Variants in ZNF407 observed in about 807,000 individuals in gnomAD.
ZNF407 encodes the protein zinc finger protein 407.
A neutral mutation model predicts 131.2 loss-of-function variants in ZNF407; 17 were observed. That is an observed-to-expected ratio of 0.13 (90% CI 0.09 to 0.19). The LOEUF (loss-of-function observed/expected upper bound fraction) is 0.19. ZNF407 is among the 10% of genes least tolerant of loss of function. The pLI is 1.00. For synonymous variants in ZNF407, 1,156 were observed against 1,062.0 expected, an observed-to-expected ratio of 1.09 and a Z score of -1.72; for missense variants, 2,681 against 2,830.6, an observed-to-expected ratio of 0.95 and a Z score of 1.20.
chr18:74,770,644 G>A (rs1215364974), intron 3 of ZNF407, among the ~76,000 whole-genome samples: 1 of 152,126 alleles, frequency 6.6e-6, no homozygotes, highest in Non-Finnish European at 1.5e-5. Context: ...TCATTAAGTG[G>A]CAATGGAATT....
intron 3 of ZNF407, among the ~76,000 whole-genome samples, chr18:74,644,254 T>C (rs528203622): frequency 6.6e-6 from 1 of 151,192 alleles, no homozygotes; most frequent in African/African-American, 2.4e-5. Context: ...AGAGGAATTT[T>C]ATAGAATATA....
chr18:74,976,331 A>G (rs1207819982), intron 8 of ZNF407, among the ~76,000 whole-genome samples: 1 of 152,174 alleles, frequency 6.6e-6, no homozygotes, highest in Non-Finnish European at 1.5e-5. Flanking sequence ...CCCCTTTTCC[A>G]GTTCATCTTT....
chr18:74,860,337 A>G (rs913111050), intron 4 of ZNF407, among the ~76,000 whole-genome samples: 5 of 152,006 alleles, frequency 3.3e-5, no homozygotes, highest in Admixed American at 1.3e-4. Flanking sequence ...AAGAAAATTC[A>G]TAGGTCTCCA....
chr18:74,990,284 T>TA (rs1266839763), intron 8 of ZNF407, among the ~76,000 whole-genome samples: 1 of 152,210 alleles, frequency 6.6e-6, no homozygotes, highest in African/African-American at 2.4e-5. Flanking sequence ...CTTAGTAACT[T>TA]ACCCTAGCTC....
intron 8 of ZNF407, among the ~76,000 whole-genome samples, chr18:74,956,480 A>C (rs775475196): frequency 6.6e-6 from 1 of 152,202 alleles, no homozygotes; most frequent in Admixed American, 6.5e-5. Flanking sequence ...CCAAAATATA[A>C]GACTACAGTT....
chr18:74,792,062 G>A (rs12956780), intron 4 of ZNF407, among the ~76,000 whole-genome samples: 46,729 of 152,040 alleles, frequency 0.31, 7,931 homozygotes, highest in African/African-American at 0.43. Context: ...CGCCTGTGAC[G>A]CTGTGGACAA....
At position 75,063,919 on chromosome 18, in the gene ZNF407, G is replaced by A. The variant is rs761250668; in HGVS notation, c.6198G>A (p.Met2066Ile). Residue 2066 changes from methionine (M) to isoleucine (I), a missense_variant, in exon 9 of 9, where the codon ATG becomes ATA. Physicochemically the swap from Met to Ile is conservative, Grantham distance 10. This residue lies in a region of ZNF407 where 620 missense variants were observed against 583.1 expected (regional missense o/e 1.06). Coordinates refer to ENST00000299687, the MANE Select transcript of ZNF407 (RefSeq NM_017757.3). The surrounding 1 kb of genome is among the most constrained non-coding windows in gnomAD (Gnocchi z 6.6). ...LTQVVHPSAA[M>I]ASQERAQVAF... ...AGGTGGTCCATCCCTCAGCAGCCAT[G>A]GCCTCTCAGGAGCGGGCACAGGTGG... The A allele has an allele frequency of 2.5e-6, 4 of 1,613,714 alleles. No homozygotes were observed. In the South Asian group the frequency reaches 4.4e-5, roughly 18 times the overall value.
intron 3 of ZNF407, among the ~76,000 whole-genome samples, chr18:74,761,255 A>G (rs747233887): frequency 7.9e-5 from 12 of 152,198 alleles, no homozygotes; most frequent in Non-Finnish European, 1.6e-4. Flanking sequence ...TGTACAATAA[A>G]TGTTGCAGAA....
At chr18:74,649,664 C>T (rs1985138033) in intron 3 of ZNF407, among the ~76,000 whole-genome samples, 1 of 152,182 alleles carries the variant, frequency 6.6e-6, no homozygotes, top group South Asian at 2.1e-4. Context: ...AGTGACTTTT[C>T]ACAAATGGAG....
chr18:74,743,003 T>G (rs1968585847), intron 3 of ZNF407, among the ~76,000 whole-genome samples: 1 of 152,062 alleles, frequency 6.6e-6, no homozygotes, highest in African/African-American at 2.4e-5. Flanking sequence ...GGATGGAAGA[T>G]GATAGATTCA....
At chr18:74,851,277 G>C (rs79031311) in intron 4 of ZNF407, among the ~76,000 whole-genome samples, 2 of 152,056 alleles carry the variant, frequency 1.3e-5, no homozygotes, top group African/African-American at 4.8e-5. Flanking sequence ...GCGAGTTCTC[G>C]CTATTCCTGT....
chr18:74,600,328 G>A (rs1468818508), intron 1 of ZNF407, among the ~76,000 whole-genome samples: 1 of 152,210 alleles, frequency 6.6e-6, no homozygotes. Context: ...CACGTAAATA[G>A]CCTGCCTAGA....
In ZNF407 at chr18:74,791,016, A is replaced by G. The variant is rs755747219; in HGVS notation, c.4877+9514A>G. ...TTAGGGCCACTTGCATGATTGATCTATTGTGAGCTTAGAACAAAGAGAACC... is the reference window on the plus strand; with the variant it reads ...TTAGGGCCACTTGCATGATTGATCTGTTGTGAGCTTAGAACAAAGAGAACC... On this transcript the variant is annotated intron_variant, in intron 4 of 8. Coordinates refer to ENST00000299687, the MANE Select transcript of ZNF407 (RefSeq NM_017757.3). Among the ~76,000 whole-genome samples the G allele has an allele frequency of 3.3e-5, 5 of 152,318 alleles. No homozygotes were observed. In the South Asian group the frequency reaches 6.2e-4, roughly 19 times the overall value.
chr18:74,895,923 A>G (rs1338344958), intron 7 of ZNF407, among the ~76,000 whole-genome samples: 1 of 152,216 alleles, frequency 6.6e-6, no homozygotes, highest in Non-Finnish European at 1.5e-5. Flanking sequence ...GTGCAGGCTC[A>G]TAGGCTGTAC....
chr18:74,671,487 T>C (rs1277342900), intron 3 of ZNF407, among the ~76,000 whole-genome samples: 1 of 152,150 alleles, frequency 6.6e-6, no homozygotes, highest in Non-Finnish European at 1.5e-5. Flanking sequence ...CAGTAGTATT[T>C]TTTCTGTTCC....
chr18:74,830,718 G>GT, intron 4 of ZNF407, among the ~76,000 whole-genome samples: 1 of 152,332 alleles, frequency 6.6e-6, no homozygotes, highest in South Asian at 2.1e-4. Context: ...TCAGATCAGT[G>GT]TAATTGGCAT....
At chr18:74,916,274 AGT>A (rs1277439476) in intron 7 of ZNF407, among the ~76,000 whole-genome samples, 5 of 92,588 alleles carry the variant, frequency 5.4e-5, no homozygotes, top group Admixed American at 2.4e-4. Context: ...TCGAATCGGG[AGT>A]GTGTGTGTGT....
chr18:75,002,448 A>G (rs1972856596), intron 8 of ZNF407, among the ~76,000 whole-genome samples: 1 of 152,098 alleles, frequency 6.6e-6, no homozygotes, highest in Non-Finnish European at 1.5e-5. Context: ...TAAATCACCT[A>G]AGAGCAGCAG....
intron 4 of ZNF407, among the ~76,000 whole-genome samples, chr18:74,846,769 G>A (rs985682384): frequency 1.4e-4 from 21 of 151,770 alleles, no homozygotes; most frequent in Non-Finnish European, 2.1e-4. Context: ...CGAGGCTGGC[G>A]GAACACGAGG....
Sources: gnomAD v4.1 joint callset for allele counts (sites outside exome capture counted in the v4.1 genomes callset) on GRCh38, gnomAD v4.1.1 for gene constraint, gnomAD v4.1.1 regional missense constraint, Gnocchi (gnomAD v3.1) non-coding constraint, MANE v1.5 for transcripts, NCBI Gene and HGNC (gene_info 2026-07-23, HGNC 2026-07-21) for gene names.